The following HSD17B12 variants were observed in gnomAD, a reference collection of about 807,000 sequenced individuals.
HSD17B12 encodes very-long-chain 3-oxoacyl-CoA reductase.
Under a neutral mutation model 39.3 loss-of-function variants are expected in HSD17B12, and 32 were observed. The observed-to-expected ratio is 0.81, with a 90% CI of 0.61 to 1.09. HSD17B12 has a LOEUF of 1.09. HSD17B12 is among the 50% of genes least tolerant of loss of function. The pLI, the probability that HSD17B12 is intolerant of heterozygous loss-of-function variation, is 0.00. For missense variants in HSD17B12, 342 were observed against 382.9 expected (o/e 0.89, Z 0.89); for synonymous variants, 150 against 146.7 (o/e 1.02, Z -0.16).
the HSD17B12 span, chr11:43,581,603 C>G: frequency 2.6e-6 from 1 of 381,612 alleles, no homozygotes; most frequent in Non-Finnish European, 5.5e-6. This position sits in a 1 kb window ranked among gnomAD's most constrained non-coding sequence, Gnocchi z 4.9. Flanking sequence ...CGGCCCTTTC[C>G]CCCGTCCTTT....
intron 1 of HSD17B12, among the ~76,000 whole-genome samples, chr11:43,719,912 T>C (rs1950161213): frequency 6.6e-6 from 1 of 152,230 alleles, no homozygotes; most frequent in African/African-American, 2.4e-5. Flanking sequence ...GATAGTTTTC[T>C]TTAAAACTTT....
chr11:43,720,816 TA>T (rs11329502), intron 1 of HSD17B12, among the ~76,000 whole-genome samples: 75,084 of 151,926 alleles, frequency 0.49, 18,996 homozygotes, highest in Non-Finnish European at 0.53. Flanking sequence ...GGCTCACAGA[TA>T]TGGTATATTT....
At chr11:43,798,218 G>T in intron 3 of HSD17B12, 102 bp from the exon 4 acceptor site, 1 of 675,934 alleles carries the variant, frequency 1.5e-6, no homozygotes, top group East Asian at 2.7e-5. Flanking sequence ...AAATTGGGTG[G>T]GGAGAAACGT....
chr11:43,571,167 C>T, the HSD17B12 span, among the ~76,000 whole-genome samples: 14 of 152,230 alleles, frequency 9.2e-5, no homozygotes, highest in African/African-American at 3.4e-4. Flanking sequence ...ACCCAACACC[C>T]ATGAATTTGT....
the HSD17B12 span, among the ~76,000 whole-genome samples, chr11:43,662,175 G>A: frequency 6.7e-6 from 1 of 149,670 alleles, no homozygotes; most frequent in African/African-American, 2.4e-5. Context: ...ACCCTAGCCT[G>A]AGTGACAGAG....
chr11:43,640,038 A>G, the HSD17B12 span, among the ~76,000 whole-genome samples: 4 of 152,326 alleles, frequency 2.6e-5, no homozygotes, highest in African/African-American at 9.6e-5. Flanking sequence ...AAGCTTAACT[A>G]AACTGTGAGT....
At chr11:43,743,272 C>T (rs1201517635) in intron 1 of HSD17B12, among the ~76,000 whole-genome samples, 2 of 152,176 alleles carry the variant, frequency 1.3e-5, no homozygotes, top group Admixed American at 6.5e-5. Context: ...GACCTTTCAT[C>T]TCTTGGAAAT....
At chr11:43,745,926 C>T (rs1950408302) in intron 1 of HSD17B12, among the ~76,000 whole-genome samples, 1 of 152,134 alleles carries the variant, frequency 6.6e-6, no homozygotes, top group African/African-American at 2.4e-5. Context: ...AAGAGGATCA[C>T]TTGAGCCCAA....
intron 3 of HSD17B12, among the ~76,000 whole-genome samples, chr11:43,796,454 G>T (rs1158790311): frequency 6.6e-6 from 1 of 152,148 alleles, no homozygotes; most frequent in Non-Finnish European, 1.5e-5. Flanking sequence ...GGGAAATCTA[G>T]GTATGAGTTC....
the HSD17B12 span, among the ~76,000 whole-genome samples, chr11:43,564,419 A>C: frequency 1.3e-5 from 2 of 152,358 alleles, no homozygotes; most frequent in Non-Finnish European, 2.9e-5. Context: ...CAAAATAGCC[A>C]CTTCATTCCC....
chr11:43,744,528 T>C (rs766541043), intron 1 of HSD17B12, among the ~76,000 whole-genome samples: 10 of 152,130 alleles, frequency 6.6e-5, no homozygotes, highest in Middle Eastern at 3.2e-3. Context: ...GGTTAGAAAA[T>C]AGACTTTTTA....
At chr11:43,738,338 T>A (rs562906060) in intron 1 of HSD17B12, among the ~76,000 whole-genome samples, 1 of 151,930 alleles carries the variant, frequency 6.6e-6, no homozygotes, top group Non-Finnish European at 1.5e-5. Context: ...AAGCCCAGAG[T>A]CCATTAGCTA....
the HSD17B12 span, among the ~76,000 whole-genome samples, chr11:43,649,952 G>T: frequency 2.0e-5 from 3 of 152,134 alleles, no homozygotes; most frequent in Non-Finnish European, 4.4e-5. Context: ...CAAGGAAGAG[G>T]CCAAAGAACA....
chr11:43,629,159 T>C, the HSD17B12 span, among the ~76,000 whole-genome samples: 1 of 152,310 alleles, frequency 6.6e-6, no homozygotes, highest in East Asian at 1.9e-4. Context: ...AACATCTTTA[T>C]TCCTCTCTGT....
chr11:43,825,218 G>C (rs1460076335), intron 6 of HSD17B12, among the ~76,000 whole-genome samples: 2 of 151,954 alleles, frequency 1.3e-5, no homozygotes, highest in African/African-American at 4.8e-5. Flanking sequence ...CAGAGTATGA[G>C]ACCCTTTGCA....
At chr11:43,668,187 G>C in the HSD17B12 span, among the ~76,000 whole-genome samples, 1 of 152,280 alleles carries the variant, frequency 6.6e-6, no homozygotes, top group South Asian at 2.1e-4. Flanking sequence ...GGATCTCACT[G>C]GGCTAAAGTC....
chr11:43,618,020 T>G, the HSD17B12 span, among the ~76,000 whole-genome samples: 44 of 152,180 alleles, frequency 2.9e-4, no homozygotes, highest in Non-Finnish European at 5.4e-4. Context: ...ATGTAACATC[T>G]TACTTACTGG....
Position 43,831,205 on chromosome 11 carries a change from C to T in HSD17B12, c.536+195C>T, listed in dbSNP as rs1226585286. ...GTGGAGGCCTTTTCCACTCGATTCC[C>T]TTTTTATTTCTCTCTCTAGGGTTGT... On this transcript the variant is annotated intron_variant, in intron 7 of 10. Coordinates refer to ENST00000278353, the MANE Select transcript of HSD17B12 (RefSeq NM_016142.3). This position sits in a 1 kb window ranked among gnomAD's most constrained non-coding sequence, Gnocchi z 4.1. 10 of 429,956 alleles carry T rather than the reference C, an allele frequency of 2.3e-5. No individual in the cohort carries two copies. Among genetic ancestry groups the T allele is most frequent in the African/African-American group, 2.1e-4 (10 of 48,562 alleles). 26.6% of individuals were successfully genotyped at this position (429,956 alleles called of 1,614,324 possible).
At chr11:43,589,925 G>GT in the HSD17B12 span, among the ~76,000 whole-genome samples, 1 of 152,154 alleles carries the variant, frequency 6.6e-6, no homozygotes, top group Admixed American at 6.5e-5. Flanking sequence ...GATATTAAAA[G>GT]TATCTGTTTC....
Sources: gnomAD v4.1 joint callset for allele counts (sites outside exome capture counted in the v4.1 genomes callset) on GRCh38, gnomAD v4.1.1 for gene constraint, Gnocchi (gnomAD v3.1) non-coding constraint, MANE v1.5 for transcripts, NCBI Gene and HGNC (gene_info 2026-07-23, HGNC 2026-07-21) for gene names.